ZNF362: variants seen among roughly 807,000 people sequenced by gnomAD.
The protein encoded by ZNF362 is zinc finger protein 362.
In ZNF362, 11 loss-of-function variants were observed where a neutral mutation model predicts 42.9. That is an observed-to-expected ratio of 0.26 (90% CI 0.16 to 0.42). ZNF362 has a LOEUF of 0.42. Among genes scored for constraint, ZNF362 ranks in the 20% least tolerant of loss-of-function variants. The probability of loss-of-function intolerance (pLI) is 1.00; values close to 1 mark genes in which losing one functional copy is unlikely to be tolerated. For missense variants in ZNF362, 362 were observed against 576.2 expected (o/e 0.63, Z 3.81); for synonymous variants, 255 against 257.3 (o/e 0.99, Z 0.09).
the ZNF362 span, among the ~76,000 whole-genome samples, chr1:33,174,968 T>TGC: frequency 2.8e-4 from 35 of 124,934 alleles, no homozygotes; most frequent in African/African-American, 1.2e-3. Context: ...TATATATATA[T>TGC]ACACACATAT....
chr1:33,209,877 C>A, the ZNF362 span, among the ~76,000 whole-genome samples: 2 of 152,078 alleles, frequency 1.3e-5, no homozygotes, highest in African/African-American at 2.4e-5. Flanking sequence ...AAAACCAGCT[C>A]CTGGATTCAT....
the ZNF362 span, among the ~76,000 whole-genome samples, chr1:33,187,929 C>G: frequency 6.6e-6 from 1 of 152,124 alleles, no homozygotes; most frequent in African/African-American, 2.4e-5. Flanking sequence ...GCTATTGTCT[C>G]AAGTATAGAA....
chr1:33,211,666 A>AT, the ZNF362 span, among the ~76,000 whole-genome samples: 2 of 148,920 alleles, frequency 1.3e-5, no homozygotes, highest in South Asian at 2.1e-4. Flanking sequence ...TGCCCTTAGC[A>AT]TTTTTTCCTT....
intron 1 of ZNF362, among the ~76,000 whole-genome samples, chr1:33,257,632 C>A (rs957388894): frequency 4.6e-5 from 7 of 151,882 alleles, no homozygotes; most frequent in African/African-American, 1.5e-4. Flanking sequence ...TTGGAAGGGG[C>A]TCTATAAACA....
chr1:33,281,964 G>T lies in ZNF362; in HGVS notation c.908+153G>T. On this transcript the variant is annotated intron_variant, in intron 6 of 8. Coordinates refer to ENST00000539719, the MANE Select transcript of ZNF362 (RefSeq NM_152493.3). This position sits in a 1 kb window ranked among gnomAD's most constrained non-coding sequence, Gnocchi z 4.8. The stretch of plus-strand genomic sequence containing the variant: ...CTTGTGGACCTCACTGGCCTCAGCT[G>T]TTGTTACTGCACCCCGTCCCCACTG... The T allele has an allele frequency of 2.9e-6, 2 of 688,302 alleles. No individual in the cohort carries two copies. 42.6% of individuals were successfully genotyped at this position (688,302 alleles called of 1,614,324 possible).
chr1:33,147,143 G>A, the ZNF362 span: 3 of 1,598,350 alleles, frequency 1.9e-6, no homozygotes, highest in East Asian at 6.7e-5. This position sits in a 1 kb window ranked among gnomAD's most constrained non-coding sequence, Gnocchi z 8.1. Context: ...AGGTGGCAGT[G>A]GTCCCAGGAG....
At chr1:33,295,125 AC>A in intron 7 of ZNF362, 21 bp from the exon 8 acceptor site, 1 of 1,611,488 alleles carries the variant, frequency 6.2e-7, no homozygotes, top group Admixed American at 1.7e-5. Flanking sequence ...TCCTCTCCTG[AC>A]CCCCTGCTGT....
At chr1:33,216,572 C>T in the ZNF362 span, among the ~76,000 whole-genome samples, 2 of 106,100 alleles carry the variant, frequency 1.9e-5, no homozygotes, top group African/African-American at 3.6e-5. Flanking sequence ...TGCACTCCAG[C>T]GTGGGCCACA....
the ZNF362 span, among the ~76,000 whole-genome samples, chr1:33,209,688 T>C: frequency 1.3e-5 from 2 of 152,246 alleles, no homozygotes; most frequent in Non-Finnish European, 2.9e-5. Flanking sequence ...CCATTTCTTC[T>C]AGGTTTTCTA....
chr1:33,212,344 T>A, the ZNF362 span, among the ~76,000 whole-genome samples: 7 of 152,200 alleles, frequency 4.6e-5, no homozygotes, highest in Non-Finnish European at 2.9e-5. Context: ...ATGACTAGTA[T>A]GATAGCCATT....
chr1:33,145,998 T>C, the ZNF362 span: 4 of 459,952 alleles, frequency 8.7e-6, no homozygotes, highest in South Asian at 1.6e-5. Flanking sequence ...AGGACATCTA[T>C]TGGCTGGCAC....
chr1:33,255,027 C>T (rs1645777950), upstream of ZNF362, among the ~76,000 whole-genome samples: 1 of 152,152 alleles, frequency 6.6e-6, no homozygotes, highest in Non-Finnish European at 1.5e-5. Context: ...GAAAGAGTGG[C>T]CTCCTCTGTG....
At chr1:33,191,540 G>A in the ZNF362 span, among the ~76,000 whole-genome samples, 19 of 151,226 alleles carry the variant, frequency 1.3e-4, no homozygotes, top group South Asian at 2.1e-4. Flanking sequence ...ATGGAGTCTC[G>A]CTGTGTCCCC....
intron 6 of ZNF362, among the ~76,000 whole-genome samples, chr1:33,282,386 T>C (rs761096420): frequency 5.1e-4 from 78 of 152,212 alleles, no homozygotes; most frequent in Admixed American, 3.0e-3. Context: ...CAAATACTTA[T>C]AGAAACTTTT....
chr1:33,159,737 C>T, the ZNF362 span: 4 of 1,612,568 alleles, frequency 2.5e-6, no homozygotes, highest in Non-Finnish European at 3.4e-6. The surrounding 1 kb of genome is among the most constrained non-coding windows in gnomAD (Gnocchi z 4.2). Context: ...CGGTCGGTTT[C>T]AGCCAGCCGC....
chr1:33,250,411 A>T, the ZNF362 span, among the ~76,000 whole-genome samples: 2 of 152,252 alleles, frequency 1.3e-5, no homozygotes, highest in African/African-American at 4.8e-5. Flanking sequence ...CAGCCATAAA[A>T]AGGAGCGAGA....
the ZNF362 span, among the ~76,000 whole-genome samples, chr1:33,219,974 G>T: frequency 6.6e-6 from 1 of 152,180 alleles, no homozygotes; most frequent in Non-Finnish European, 1.5e-5. Flanking sequence ...TGGGAACAAG[G>T]CATGGCCGAA....
the ZNF362 span, among the ~76,000 whole-genome samples, chr1:33,203,679 G>A: frequency 6.6e-6 from 1 of 152,290 alleles, no homozygotes; most frequent in South Asian, 2.1e-4. Flanking sequence ...GGTGTGAGGT[G>A]ATATCTCCTT....
the ZNF362 span, among the ~76,000 whole-genome samples, chr1:33,185,318 C>T: frequency 2.0e-5 from 3 of 151,974 alleles, no homozygotes; most frequent in African/African-American, 7.3e-5. Context: ...ACCTCCCAGC[C>T]TCAAGCAATT....
Sources: allele counts gnomAD v4.1 joint callset (sites outside exome capture counted in the v4.1 genomes callset), GRCh38; gene constraint gnomAD v4.1.1; non-coding constraint Gnocchi (gnomAD v3.1); transcripts MANE v1.5; gene names NCBI Gene and HGNC (gene_info 2026-07-23, HGNC 2026-07-21).